The following ANK2 variants were observed in gnomAD, a reference collection of about 807,000 sequenced individuals.
ANK2 encodes the protein ankyrin 2, also known as ankyrin-2.
Under a neutral mutation model 360.5 loss-of-function variants are expected in ANK2, and 83 were observed. That is an observed-to-expected ratio of 0.23 (90% CI 0.19 to 0.28). The LOEUF (loss-of-function observed/expected upper bound fraction) is 0.28. Among genes scored for constraint, ANK2 ranks in the 10% least tolerant of loss-of-function variants. ANK2 has a pLI of 1.00. For synonymous variants in ANK2, 1,740 were observed against 1,759.5 expected (o/e 0.99, Z 0.28); for missense variants, 4,201 against 4,795.7 (o/e 0.88, Z 3.66).
In ANK2 at chr4:113,108,748, A is replaced by G. The variant is rs114205429; in HGVS notation, c.84+58936A>G. Reference sequence around the variant, plus strand: ...TATCACAGGACTTGAAACAGAAAAAAAAACTCTACAGATGTTTTTATTTTA... The same window carrying G: ...TATCACAGGACTTGAAACAGAAAAAGAAACTCTACAGATGTTTTTATTTTA... On this transcript the variant is annotated intron_variant, in intron 1 of 45. Coordinates refer to ENST00000357077, the MANE Select transcript of ANK2 (RefSeq NM_001148.6). Among the ~76,000 whole-genome samples the G allele has an allele frequency of 2.0e-3, 299 of 152,326 alleles. 2 individuals carry two copies. Among genetic ancestry groups the G allele is most frequent in the African/African-American group, 7.0e-3 (293 of 41,572 alleles).
chr4:113,331,300 A>C (rs1397639693), intron 27 of ANK2, among the ~76,000 whole-genome samples: 2 of 152,166 alleles, frequency 1.3e-5, no homozygotes, highest in Non-Finnish European at 2.9e-5. Context: ...TCATATTGGG[A>C]AGAGGATTTC....
the ANK2 span, among the ~76,000 whole-genome samples, chr4:112,740,859 G>T: frequency 6.6e-6 from 1 of 151,766 alleles, no homozygotes; most frequent in African/African-American, 2.4e-5. Context: ...GCGTGGTCGT[G>T]GGCACCCATA....
intron 1 of ANK2, among the ~76,000 whole-genome samples, chr4:112,892,748 A>G (rs2080447230): frequency 6.6e-6 from 1 of 152,206 alleles, no homozygotes; most frequent in Non-Finnish European, 1.5e-5. Context: ...TGCTAAGGGT[A>G]TTGAAGTGAA....
intron 23 of ANK2, among the ~76,000 whole-genome samples, chr4:113,307,905 A>G (rs1430086234): frequency 5.3e-5 from 8 of 152,224 alleles, no homozygotes; most frequent in Non-Finnish European, 1.0e-4. Context: ...GGACAATAAA[A>G]CAACAAGAAA....
At chr4:113,263,189 A>G (rs1329216859) in intron 13 of ANK2, among the ~76,000 whole-genome samples, 6 of 145,518 alleles carry the variant, frequency 4.1e-5, no homozygotes, top group Admixed American at 2.8e-4. Flanking sequence ...CTCTGTCTGA[A>G]AAAAAAAAAA....
Position 113,224,480 on chromosome 4 carries a change from T to A in ANK2, c.385-7681T>A, listed in dbSNP as rs2099190712. 3.3e-5 allele frequency among the ~76,000 whole-genome samples: 5 copies of A among 152,280 alleles called. No homozygotes were observed. In the South Asian group the frequency reaches 1.0e-3, roughly 32 times the overall value. On this transcript the variant is annotated intron_variant, in intron 4 of 45. Coordinates refer to ENST00000357077, the MANE Select transcript of ANK2 (RefSeq NM_001148.6). ...CCTCCTATTCTCTCCTGAACCTCTG[T>A]AACTGGCCAGTCTCCTTGGTGGTTA...
chr4:113,250,589 AC>A (rs2045623703), intron 10 of ANK2, among the ~76,000 whole-genome samples: 4 of 152,098 alleles, frequency 2.6e-5, no homozygotes. Flanking sequence ...CTATTATCCA[AC>A]CCTACATTGG....
intron 2 of ANK2, among the ~76,000 whole-genome samples, chr4:112,997,635 A>G (rs1019476451): frequency 3.3e-5 from 5 of 152,098 alleles, no homozygotes; most frequent in African/African-American, 4.8e-5. Flanking sequence ...TTCTTCCAGT[A>G]TATGTGTGCA....
At chr4:113,246,898 C>T (rs2043179874) in intron 9 of ANK2, among the ~76,000 whole-genome samples, 1 of 152,144 alleles carries the variant, frequency 6.6e-6, no homozygotes, top group Admixed American at 6.5e-5. Flanking sequence ...AGAAATGAGA[C>T]TACCAAAGGG....
chr4:113,298,875 T>A (rs545724603), intron 22 of ANK2, among the ~76,000 whole-genome samples: 7 of 152,324 alleles, frequency 4.6e-5, no homozygotes, highest in Admixed American at 6.5e-5. Flanking sequence ...GACATTTTGT[T>A]TAAAAGGAAA....
chr4:113,084,438 A>G (rs2083660771), intron 1 of ANK2, among the ~76,000 whole-genome samples: 1 of 152,228 alleles, frequency 6.6e-6, no homozygotes, highest in Non-Finnish European at 1.5e-5. Flanking sequence ...GGCTATTTTT[A>G]AAAATGGAAA....
intron 18 of ANK2, among the ~76,000 whole-genome samples, chr4:113,284,599 T>C (rs1308901575): frequency 6.6e-6 from 1 of 152,196 alleles, no homozygotes; most frequent in East Asian, 1.9e-4. Flanking sequence ...TAAGGAGTAT[T>C]TTTTAGTTGC....
intron 1 of ANK2, among the ~76,000 whole-genome samples, chr4:113,172,048 G>A (rs1277179868): frequency 6.6e-6 from 1 of 152,124 alleles, no homozygotes; most frequent in Non-Finnish European, 1.5e-5. Flanking sequence ...GCATGTAGAG[G>A]GAGACAGACA....
At chr4:112,732,860 T>A in the ANK2 span, among the ~76,000 whole-genome samples, 3 of 151,902 alleles carry the variant, frequency 2.0e-5, no homozygotes, top group Admixed American at 2.0e-4. Flanking sequence ...GGCGGGGGGA[T>A]CACAAGGTCG....
intron 2 of ANK2, among the ~76,000 whole-genome samples, chr4:112,916,314 T>C (rs1412927210): frequency 6.6e-6 from 1 of 152,200 alleles, no homozygotes. Flanking sequence ...CTGCACTAAA[T>C]GCACTATACT....
At chr4:112,964,343 C>G (rs1024670590) in intron 2 of ANK2, among the ~76,000 whole-genome samples, 3 of 151,420 alleles carry the variant, frequency 2.0e-5, no homozygotes, top group Non-Finnish European at 4.4e-5. Flanking sequence ...CCCTTCCCAG[C>G]TGCTGGTAAC....
upstream of ANK2, among the ~76,000 whole-genome samples, chr4:112,816,386 G>A (rs781308047): frequency 2.8e-4 from 43 of 152,076 alleles, no homozygotes; most frequent in Non-Finnish European, 5.4e-4. Flanking sequence ...GGTCAACTCA[G>A]GGGAAAATAT....
intron 2 of ANK2, among the ~76,000 whole-genome samples, chr4:112,982,374 G>A (rs975367286): frequency 3.3e-5 from 5 of 152,038 alleles, no homozygotes; most frequent in African/African-American, 4.8e-5. Flanking sequence ...TCAAAAAGGC[G>A]GAGTAATGTA....
the ANK2 span, among the ~76,000 whole-genome samples, chr4:112,778,640 G>A: frequency 6.6e-6 from 1 of 152,176 alleles, no homozygotes; most frequent in Non-Finnish European, 1.5e-5. Flanking sequence ...GTTGATATCT[G>A]TGACTTGCTT....
Sources: allele counts gnomAD v4.1 joint callset (sites outside exome capture counted in the v4.1 genomes callset), GRCh38; gene constraint gnomAD v4.1.1; transcripts MANE v1.5; gene names NCBI Gene and HGNC (gene_info 2026-07-23, HGNC 2026-07-21).